The following PLN variants were observed in gnomAD, a reference collection of about 807,000 sequenced individuals.
The protein encoded by PLN is cardiac phospholamban.
In PLN, 1 loss-of-function variant was observed where a neutral mutation model predicts 3.9. The observed-to-expected ratio is 0.26, with a 90% confidence interval of 0.09 to 1.23. PLN has a LOEUF of 1.23. Ranked by LOEUF, PLN falls within the 50% of genes most tolerant of loss-of-function variation. The probability of loss-of-function intolerance (pLI) is 0.48; values close to 1 mark genes in which losing one functional copy is unlikely to be tolerated. For synonymous variants in PLN, 21 were observed against 20.5 expected (o/e 1.02, Z -0.07); for missense variants, 59 against 62.7 (o/e 0.94, Z 0.20).
chr6:118,552,418 A>G (rs1778602385), intron 1 of PLN, among the ~76,000 whole-genome samples: 1 of 152,052 alleles, frequency 6.6e-6, no homozygotes, highest in Non-Finnish European at 1.5e-5. Flanking sequence ...CAGGCCACCA[A>G]AAGTTTTCAG....
At chr6:118,558,713 G>T in intron 1 of PLN, 112 bp from the exon 2 acceptor site, 19 of 546,104 alleles carry the variant, frequency 3.5e-5, no homozygotes, top group Non-Finnish European at 4.9e-5. Context: ...GAAACATGAT[G>T]TTATAAATAA....
In PLN at chr6:118,561,065, A is replaced by G. The variant is rs1445717453; in HGVS notation, c.*1985A>G. 6.6e-6 allele frequency among the ~76,000 whole-genome samples: 1 copy of G among 152,202 alleles called. No individual in the cohort carries two copies. Among genetic ancestry groups the G allele is most frequent in the Non-Finnish European group, 1.5e-5 (1 of 68,026 alleles). On this transcript the variant is annotated 3_prime_UTR_variant, in exon 2 of 2. Transcript: ENST00000357525. ...CTAACTCAATAGTGAAGGAGACACT[A>G]TTAAATTTTCTGAACCCATGAGAGA...
At chr6:118,557,012 G>A (rs929132529) in intron 1 of PLN, among the ~76,000 whole-genome samples, 1 of 152,154 alleles carries the variant, frequency 6.6e-6, no homozygotes, top group Non-Finnish European at 1.5e-5. Flanking sequence ...CTACTATTAA[G>A]TAGAAGTCTG....
intron 1 of PLN, among the ~76,000 whole-genome samples, chr6:118,550,092 A>T (rs1375454771): frequency 6.6e-6 from 1 of 151,946 alleles, no homozygotes; most frequent in Non-Finnish European, 1.5e-5. Flanking sequence ...AAAGATGTTT[A>T]AATTAAGAAG....
At chr6:118,552,191 A>G (rs1778587851) in intron 1 of PLN, among the ~76,000 whole-genome samples, 1 of 152,026 alleles carries the variant, frequency 6.6e-6, no homozygotes. Flanking sequence ...CATGTTTACT[A>G]AAAGAATAAA....
rs528009337 is a variant in PLN, at chr6:118,555,905, G to C, written c.-97-2920G>C. Among the ~76,000 whole-genome samples the C allele has an allele frequency of 3.3e-5, 5 of 152,130 alleles. No individual in the cohort carries two copies. The South Asian group carries it at 1.0e-3, about 32-fold the overall frequency. ...CTGTAAGTGAGAACCTGTGGTATTT[G>C]GTTTTCTTTTCCTATGTTAGTTTGC... On this transcript the variant is annotated intron_variant, in intron 1 of 1. Transcript: ENST00000357525.
chr6:118,551,192 G>A (rs1257019958), intron 1 of PLN, among the ~76,000 whole-genome samples: 1 of 151,776 alleles, frequency 6.6e-6, no homozygotes, highest in Admixed American at 6.6e-5. Flanking sequence ...TTCTTACCCA[G>A]AGTAATTCTG....
intron 1 of PLN, among the ~76,000 whole-genome samples, chr6:118,550,080 T>C (rs1157732576): frequency 1.3e-5 from 2 of 151,834 alleles, no homozygotes; most frequent in Non-Finnish European, 1.5e-5. Context: ...GGAAAAAATA[T>C]GAAAGATGTT....
Position 118,560,194 on chromosome 6 carries a change from G to C in PLN, c.*1114G>C, listed in dbSNP as rs570977086. On this transcript the variant is annotated 3_prime_UTR_variant, in exon 2 of 2. Transcript: ENST00000357525. ...ATCTACAGCTGACCCTTGAACATGG[G>C]GGTTAGGGGAGCTGACAATTCGTGG... 6.0e-6 allele frequency: 1 copy of C among 166,966 alleles called. No individual in the cohort carries two copies. Among genetic ancestry groups the C allele is most frequent in the African/African-American group, 2.4e-5 (1 of 41,414 alleles). 10.3% of individuals were successfully genotyped at this position (166,966 alleles called of 1,614,324 possible). A position where few individuals can be genotyped will look rare whatever the true frequency, so the allele number is the denominator to read the frequency against.
rs1779196227 is a variant in PLN at position 118,561,076 on chromosome 6, T to C, written c.*1996T>C. ...GTGAAGGAGACACTATTAAATTTTCTGAACCCATGAGAGATACTAGAGATG... is the reference window on the plus strand; with the variant it reads ...GTGAAGGAGACACTATTAAATTTTCCGAACCCATGAGAGATACTAGAGATG... On this transcript the variant is annotated 3_prime_UTR_variant, in exon 2 of 2. Transcript: ENST00000357525. Among the ~76,000 whole-genome samples, 1 of 152,198 alleles carries C rather than the reference T, an allele frequency of 6.6e-6. No homozygotes were observed. The highest frequency in any genetic ancestry group is 1.5e-5 in the Non-Finnish European group (1 of 68,028).
In PLN at chr6:118,561,103, G is replaced by A. The variant is rs1429954317; in HGVS notation, c.*2023G>A. ...AACCCATGAGAGATACTAGAGATGG[G>A]GAGTGGAAAGTGTTTGGTTCAGGGA... On this transcript the variant is annotated 3_prime_UTR_variant, in exon 2 of 2. Transcript: ENST00000357525. 1.3e-5 allele frequency among the ~76,000 whole-genome samples: 2 copies of A among 152,150 alleles called. No homozygotes were observed. The highest frequency in any genetic ancestry group is 4.1e-4 in the South Asian group (2 of 4,828).
chr6:118,552,449 C>T (rs941527241), intron 1 of PLN, among the ~76,000 whole-genome samples: 14 of 151,890 alleles, frequency 9.2e-5, no homozygotes, highest in African/African-American at 1.9e-4. Flanking sequence ...AGGTTCCTTC[C>T]GCACAAGAAT....
At chr6:118,556,136 A>G (rs1407652603) in intron 1 of PLN, among the ~76,000 whole-genome samples, 1 of 152,184 alleles carries the variant, frequency 6.6e-6, no homozygotes, top group Non-Finnish European at 1.5e-5. Flanking sequence ...TTTACGGCAG[A>G]AAGATTTACA....
chr6:118,555,979 T>TC (rs1421228216), intron 1 of PLN, among the ~76,000 whole-genome samples: 2 of 152,364 alleles, frequency 1.3e-5, no homozygotes, highest in Admixed American at 1.3e-4. Flanking sequence ...AAAGACATGA[T>TC]ATCATTCTTT....
Position 118,559,279 on chromosome 6 carries a change from T to A in PLN, c.*199T>A, listed in dbSNP as rs886060999. 1 of 589,208 alleles carries A rather than the reference T, an allele frequency of 1.7e-6. No individual in the cohort carries two copies. The highest frequency in any genetic ancestry group is 3.1e-6 in the Non-Finnish European group (1 of 320,746). The allele number at this position is 589,208 out of a possible 1,614,324, so 36.5% of individuals were successfully genotyped here. A position where few individuals can be genotyped will look rare whatever the true frequency, so the allele number is the denominator to read the frequency against. On this transcript the variant is annotated 3_prime_UTR_variant, in exon 2 of 2. Transcript: ENST00000357525. ...TGGATCTTGTAAACATGAAAAGGGCTTTATTTTCAAAAATTAACTTCAAAA... is the reference window on the plus strand; with the variant it reads ...TGGATCTTGTAAACATGAAAAGGGCATTATTTTCAAAAATTAACTTCAAAA...
At chr6:118,552,275 A>G (rs568282020) in intron 1 of PLN, among the ~76,000 whole-genome samples, 1 of 152,230 alleles carries the variant, frequency 6.6e-6, no homozygotes, top group African/African-American at 2.4e-5. Flanking sequence ...TTATTTCAGC[A>G]AAAGGAATAC....
intron 1 of PLN, among the ~76,000 whole-genome samples, chr6:118,556,701 T>C (rs1359135109): frequency 1.3e-5 from 2 of 152,170 alleles, no homozygotes; most frequent in South Asian, 4.1e-4. Context: ...AATATGTTGA[T>C]TAACAATAAT....
chr6:118,553,424 T>A (rs1419089593), intron 1 of PLN, among the ~76,000 whole-genome samples: 2 of 152,170 alleles, frequency 1.3e-5, no homozygotes, highest in Non-Finnish European at 2.9e-5. Context: ...CTGGCCTAAT[T>A]ATCATCATAC....
chr6:118,558,861 G>C lies in PLN; in HGVS notation c.-61G>C, dbSNP rs186238926. ...GAAGACAGTTATCTCATATTTGGCT[G>C]CCAGCTTTTTATCTTTCTCTCGACC... On this transcript the variant is annotated 5_prime_UTR_variant, in exon 2 of 2. Coordinates refer to ENST00000357525, the MANE Select transcript of PLN (RefSeq NM_002667.5). 3.9e-5 allele frequency: 50 copies of C among 1,285,366 alleles called. No individual in the cohort carries two copies. The highest frequency in any genetic ancestry group is 3.8e-4 in the Admixed American group (22 of 58,540). The allele number at this position is 1,285,366 out of a possible 1,614,324, so 79.6% of individuals were successfully genotyped here.
Sources: gnomAD v4.1 joint callset for allele counts (sites outside exome capture counted in the v4.1 genomes callset) on GRCh38, gnomAD v4.1.1 for gene constraint, MANE v1.5 for transcripts, NCBI Gene and HGNC (gene_info 2026-07-23, HGNC 2026-07-21) for gene names.